Variants in PRELID2 observed in about 807,000 individuals in gnomAD.
PRELID2 encodes the protein PRELI domain containing 2, also known as PRELI domain-containing protein 2.
PRELID2 carries 25 observed loss-of-function variants against 28.4 expected under a neutral mutation model. That is an observed-to-expected ratio of 0.88 (90% CI 0.64 to 1.23). The LOEUF (loss-of-function observed/expected upper bound fraction) is 1.23, where lower values mean the gene tolerates loss of function less well. PRELID2 is among the 50% of genes most tolerant of loss of function. PRELID2 has a pLI of 0.00. For missense variants in PRELID2, 201 were observed against 214.4 expected, an observed-to-expected ratio of 0.94 and a Z score of 0.39; for synonymous variants, 76 against 71.6, an observed-to-expected ratio of 1.06 and a Z score of -0.31.
the PRELID2 span, among the ~76,000 whole-genome samples, chr5:145,440,577 G>A: frequency 1.3e-5 from 2 of 152,082 alleles, no homozygotes; most frequent in Non-Finnish European, 2.9e-5. Context: ...TGAGGAAAAT[G>A]TTGTTTTCAG....
At chr5:145,512,074 T>C (rs1013769164) in intron 1 of PRELID2, among the ~76,000 whole-genome samples, 2 of 152,168 alleles carry the variant, frequency 1.3e-5, no homozygotes, top group South Asian at 2.1e-4. Flanking sequence ...CCTAGGTCTC[T>C]AACTTGGTAC....
the PRELID2 span, among the ~76,000 whole-genome samples, chr5:145,308,619 T>G: frequency 1.2e-4 from 18 of 151,258 alleles, no homozygotes; most frequent in African/African-American, 4.4e-4. Flanking sequence ...GAGGTTAGAG[T>G]GTATTTTTTT....
intron 1 of PRELID2, among the ~76,000 whole-genome samples, chr5:145,653,156 C>G (rs1247222217): frequency 3.3e-5 from 5 of 152,110 alleles, no homozygotes; most frequent in African/African-American, 1.2e-4. Context: ...ACAAAGAAGG[C>G]CATTACATAA....
At chr5:145,260,662 A>T in the PRELID2 span, among the ~76,000 whole-genome samples, 1 of 152,240 alleles carries the variant, frequency 6.6e-6, no homozygotes, top group Non-Finnish European at 1.5e-5. Flanking sequence ...TAATAATCAC[A>T]TCAGAGAAAA....
the PRELID2 span, among the ~76,000 whole-genome samples, chr5:145,325,504 G>A: frequency 6.6e-6 from 1 of 152,184 alleles, no homozygotes; most frequent in African/African-American, 2.4e-5. Flanking sequence ...TGTGTTCAGT[G>A]CCTTAGAGTT....
At chr5:145,618,520 C>A (rs921550669) in intron 1 of PRELID2, among the ~76,000 whole-genome samples, 3 of 152,198 alleles carry the variant, frequency 2.0e-5, no homozygotes, top group Non-Finnish European at 2.9e-5. Context: ...TGCACAGAGT[C>A]CTGTGATATG....
intron 1 of PRELID2, among the ~76,000 whole-genome samples, chr5:145,531,842 A>C (rs1195718615): frequency 6.6e-6 from 1 of 152,166 alleles, no homozygotes; most frequent in Non-Finnish European, 1.5e-5. Flanking sequence ...CATTTATACT[A>C]TTAAGAAAAA....
At chr5:145,291,867 T>G in the PRELID2 span, among the ~76,000 whole-genome samples, 1 of 152,242 alleles carries the variant, frequency 6.6e-6, no homozygotes, top group Non-Finnish European at 1.5e-5. Context: ...TCCAACATCA[T>G]TTACTGAAAT....
chr5:145,390,121 G>A, the PRELID2 span, among the ~76,000 whole-genome samples: 4 of 152,160 alleles, frequency 2.6e-5, no homozygotes, highest in Admixed American at 1.3e-4. Context: ...GACAGTGGAA[G>A]TACATAGGAA....
chr5:145,740,241 A>C (rs1232463251), intron 1 of PRELID2, among the ~76,000 whole-genome samples: 1 of 126,548 alleles, frequency 7.9e-6, no homozygotes, highest in Non-Finnish European at 1.6e-5. Context: ...TAGAGTCATT[A>C]TATAATAATG....
At chr5:145,714,605 A>G (rs1486075209) in intron 1 of PRELID2, among the ~76,000 whole-genome samples, 1 of 152,168 alleles carries the variant, frequency 6.6e-6, no homozygotes, top group Non-Finnish European at 1.5e-5. Context: ...GTAATTTCAT[A>G]TATTTTACCT....
At chr5:145,724,939 C>A (rs191782605) in intron 1 of PRELID2, among the ~76,000 whole-genome samples, 157 of 151,514 alleles carry the variant, frequency 1.0e-3, no homozygotes, top group Admixed American at 2.4e-3. Context: ...AATGAGGTCT[C>A]ACTATGTTAC....
chr5:145,598,209 C>T (rs1041640881), intron 1 of PRELID2, among the ~76,000 whole-genome samples: 14 of 152,194 alleles, frequency 9.2e-5, no homozygotes, highest in South Asian at 2.1e-4. Flanking sequence ...AAAGAGAAGT[C>T]TATTAAATAG....
In PRELID2 at chr5:145,563,675, C is replaced by T. The variant is rs142485072; in HGVS notation, n.71-90360G>A. Reference sequence around the variant, plus strand: ...ATTTTGGTAAGTGAAGTAAGCCAGACGCAAAAAGAAAAATACTGCATGATC... The same window carrying T: ...ATTTTGGTAAGTGAAGTAAGCCAGATGCAAAAAGAAAAATACTGCATGATC... On this transcript the variant is annotated intron_variant and non_coding_transcript_variant, in intron 1 of 2. Transcript: ENST00000510259. Among the ~76,000 whole-genome samples, 707 of 152,128 alleles carry T rather than the reference C, an allele frequency of 4.6e-3. 3 individuals are homozygous for T. The highest frequency in any genetic ancestry group is 0.028 in the South Asian group (137 of 4,820).
At chr5:145,546,245 G>A (rs1412138859) in intron 1 of PRELID2, among the ~76,000 whole-genome samples, 1 of 151,988 alleles carries the variant, frequency 6.6e-6, no homozygotes, top group Non-Finnish European at 1.5e-5. Flanking sequence ...TGATTTCTCT[G>A]AAAAATTAAC....
At chr5:145,429,556 A>G in the PRELID2 span, among the ~76,000 whole-genome samples, 3 of 152,224 alleles carry the variant, frequency 2.0e-5, no homozygotes, top group Non-Finnish European at 1.5e-5. Flanking sequence ...AGATACATAC[A>G]ATTGGGAATA....
chr5:145,264,869 G>C, the PRELID2 span, among the ~76,000 whole-genome samples: 78 of 150,362 alleles, frequency 5.2e-4, no homozygotes, highest in Non-Finnish European at 7.5e-4. Flanking sequence ...AGCTACTCAG[G>C]AGACTGAGGC....
At chr5:145,719,917 A>G (rs1755941814) in intron 1 of PRELID2, among the ~76,000 whole-genome samples, 1 of 152,010 alleles carries the variant, frequency 6.6e-6, no homozygotes, top group South Asian at 2.1e-4. Context: ...TACATAAAAC[A>G]GAAAGAAATT....
At chr5:145,308,315 G>A in the PRELID2 span, among the ~76,000 whole-genome samples, 2 of 152,160 alleles carry the variant, frequency 1.3e-5, no homozygotes, top group South Asian at 2.1e-4. Context: ...TGTACTAATC[G>A]ACAAAGATTT....
Sources: gnomAD v4.1 joint callset for allele counts (sites outside exome capture counted in the v4.1 genomes callset) on GRCh38, gnomAD v4.1.1 for gene constraint, MANE v1.5 for transcripts, NCBI Gene and HGNC (gene_info 2026-07-23, HGNC 2026-07-21) for gene names.